Variants in RBFOX1 observed in about 807,000 individuals in gnomAD.
RBFOX1 encodes RNA binding protein fox-1 homolog 1.
In RBFOX1, 8 loss-of-function variants were observed where a neutral mutation model predicts 57.7. That is an observed-to-expected ratio of 0.14 (90% CI 0.08 to 0.25). The LOEUF is 0.25. RBFOX1 is among the 10% of genes least tolerant of loss of function. The pLI, the probability that RBFOX1 is intolerant of heterozygous loss-of-function variation, is 1.00. For missense variants in RBFOX1, 611 were observed against 548.5 expected (o/e 1.11, Z -1.14); for synonymous variants, 326 against 222.4 (o/e 1.47, Z -4.15).
At chr16:7,321,138 T>TATACATATAC (rs2096539614) in intron 4 of RBFOX1, among the ~76,000 whole-genome samples, 1 of 151,672 alleles carries the variant, frequency 6.6e-6, no homozygotes, top group South Asian at 2.1e-4. Flanking sequence ...TACTTATACT[T>TATACATATAC]ATATTGTTTG....
intron 4 of RBFOX1, among the ~76,000 whole-genome samples, chr16:5,995,210 G>A (rs9935302): frequency 0.72 from 109,129 of 152,158 alleles, 39,634 homozygotes; most frequent in African/African-American, 0.82. Context: ...TGACTGCTCA[G>A]TATTTCACAT....
intron 4 of RBFOX1, among the ~76,000 whole-genome samples, chr16:5,996,983 T>A (rs1055286213): frequency 6.6e-6 from 1 of 151,888 alleles, no homozygotes; most frequent in Non-Finnish European, 1.5e-5. Context: ...GCTGGTGCTC[T>A]CCATTGTCCA....
intron 3 of RBFOX1, among the ~76,000 whole-genome samples, chr16:6,900,539 T>C (rs1338186741): frequency 1.3e-5 from 2 of 152,228 alleles, no homozygotes; most frequent in Admixed American, 1.3e-4. Flanking sequence ...TCAACACTCA[T>C]CTGCTTCTCC....
At chr16:5,425,278 G>T (rs60146709) in intron 1 of RBFOX1, among the ~76,000 whole-genome samples, 5 of 151,952 alleles carry the variant, frequency 3.3e-5, no homozygotes, top group Non-Finnish European at 7.4e-5. Flanking sequence ...GCTAATTTTT[G>T]TATTTTTAGT....
At chr16:7,580,467 T>G (rs2093671375) in intron 6 of RBFOX1, among the ~76,000 whole-genome samples, 1 of 152,110 alleles carries the variant, frequency 6.6e-6, no homozygotes, top group Admixed American at 6.5e-5. Flanking sequence ...CCAAATGAGC[T>G]ACCAGTTTCT....
chr16:5,843,379 A>G (rs772752870), intron 3 of RBFOX1, among the ~76,000 whole-genome samples: 6 of 152,180 alleles, frequency 3.9e-5, no homozygotes, highest in Non-Finnish European at 8.8e-5. Flanking sequence ...TTATGAGGAT[A>G]TGAGGTATTT....
In RBFOX1 at chr16:6,386,950, G is replaced by A. The variant is rs143699797; in HGVS notation, c.-64+69893G>A. On this transcript the variant is annotated intron_variant, in intron 2 of 15. Transcript: ENST00000550418. ...AATCTCTATGGTTGAAAAATAAAGA[G>A]AGAGGTGTTGGGGTAGTTATTGATT... 1.6e-3 allele frequency among the ~76,000 whole-genome samples: 243 copies of A among 152,302 alleles called. 2 individuals carry two copies. Among genetic ancestry groups the A allele is most frequent in the African/African-American group, 5.6e-3 (233 of 41,584 alleles).
At chr16:5,468,504 A>G (rs894353970) in intron 2 of RBFOX1, among the ~76,000 whole-genome samples, 1 of 152,184 alleles carries the variant, frequency 6.6e-6, no homozygotes, top group African/African-American at 2.4e-5. Flanking sequence ...AGTTCCTCCA[A>G]AAGTTAAACA....
intron 4 of RBFOX1, among the ~76,000 whole-genome samples, chr16:6,000,733 G>A (rs2060584029): frequency 6.9e-6 from 1 of 144,364 alleles, no homozygotes; most frequent in African/African-American, 2.5e-5. Flanking sequence ...GGGTGGATGA[G>A]TGCATGGGTA....
At chr16:6,774,606 T>G (rs968498907) in intron 3 of RBFOX1, among the ~76,000 whole-genome samples, 1 of 152,180 alleles carries the variant, frequency 6.6e-6, no homozygotes, top group Non-Finnish European at 1.5e-5. Context: ...GTCAGCTATA[T>G]AGAGTCATCT....
chr16:7,535,295 C>T (rs1242239463), intron 5 of RBFOX1, among the ~76,000 whole-genome samples: 2 of 152,188 alleles, frequency 1.3e-5, no homozygotes, highest in Admixed American at 6.5e-5. Context: ...CTTTCTGTAG[C>T]TGGGAGCCTG....
chr16:6,108,031 G>A (rs1251950873), intron 1 of RBFOX1, among the ~76,000 whole-genome samples: 2 of 151,978 alleles, frequency 1.3e-5, no homozygotes, highest in Non-Finnish European at 2.9e-5. Context: ...TAATTCTGGT[G>A]AAAATATTAG....
chr16:6,345,324 C>G (rs1438966424), intron 2 of RBFOX1, among the ~76,000 whole-genome samples: 3 of 152,208 alleles, frequency 2.0e-5, no homozygotes, highest in African/African-American at 4.8e-5. Context: ...AGGCAGTGTG[C>G]CCAGAGGCAG....
At chr16:5,369,740 C>G (rs545775622) in intron 1 of RBFOX1, among the ~76,000 whole-genome samples, 1 of 152,210 alleles carries the variant, frequency 6.6e-6, no homozygotes, top group African/African-American at 2.4e-5. Context: ...TGAAGCCACC[C>G]TTTCCCTTCC....
At chr16:7,239,434 G>A (rs538326731) in intron 4 of RBFOX1, among the ~76,000 whole-genome samples, 1 of 152,164 alleles carries the variant, frequency 6.6e-6, no homozygotes. Context: ...GGGAGCTGGA[G>A]GTTTCAGTGA....
chr16:7,649,804 G>A (rs117812891), intron 11 of RBFOX1, among the ~76,000 whole-genome samples: 2,519 of 152,242 alleles, frequency 0.017, 32 homozygotes, highest in Non-Finnish European at 0.021. Flanking sequence ...ACCAGTAAGC[G>A]TCCTTCTCCT....
chr16:5,880,040 G>A (rs999787081), intron 4 of RBFOX1, among the ~76,000 whole-genome samples: 61 of 152,230 alleles, frequency 4.0e-4, no homozygotes, highest in African/African-American at 1.4e-3. Flanking sequence ...TGGTGTGCCA[G>A]TGAGGCCCGT....
At chr16:7,143,708 C>T (rs1052083074) in intron 4 of RBFOX1, among the ~76,000 whole-genome samples, 1 of 152,034 alleles carries the variant, frequency 6.6e-6, no homozygotes. Flanking sequence ...TCTCCAAAGT[C>T]CTTCATTTGA....
chr16:6,964,875 A>G (rs2083767506), intron 3 of RBFOX1, among the ~76,000 whole-genome samples: 1 of 152,130 alleles, frequency 6.6e-6, no homozygotes, highest in Admixed American at 6.6e-5. Flanking sequence ...GACCCTGGGC[A>G]AGTCACTCCT....
Sources: gnomAD v4.1 joint callset for allele counts (sites outside exome capture counted in the v4.1 genomes callset) on GRCh38, gnomAD v4.1.1 for gene constraint, MANE v1.5 for transcripts, NCBI Gene and HGNC (gene_info 2026-07-23, HGNC 2026-07-21) for gene names.